Variants in LAMA5 observed in about 807,000 individuals in gnomAD.
The protein encoded by LAMA5 is laminin subunit alpha-5.
A neutral mutation model predicts 433.4 loss-of-function variants in LAMA5; 260 were observed. The ratio of observed to expected loss-of-function variants is 0.60; its 90% CI spans 0.54 to 0.66. The LOEUF (loss-of-function observed/expected upper bound fraction) is 0.66. Among genes scored for constraint, LAMA5 ranks in the 30% least tolerant of loss-of-function variants. The pLI, the probability that LAMA5 is intolerant of heterozygous loss-of-function variation, is 0.00. For synonymous variants in LAMA5, 2,620 were observed against 2,226.6 expected (o/e 1.18, Z -4.97); for missense variants, 5,378 against 5,258.5 (o/e 1.02, Z -0.70).
At chr20:62,330,394 C>G (rs756200310) in intron 31 of LAMA5, 94 bp downstream of exon 31, 5 of 1,411,606 alleles carry the variant, frequency 3.5e-6, no homozygotes, top group Non-Finnish European at 4.7e-6. Context: ...TGTTGCCTGT[C>G]GCTCATAGCA....
rs577904596 is a variant in LAMA5, at chr20:62,323,381, G to A, written c.6064+75C>T. The A allele has an allele frequency of 3.2e-5, 39 of 1,211,660 alleles. No homozygotes were observed. In the East Asian group the frequency reaches 7.0e-4, roughly 22 times the overall value. 75.1% of individuals were successfully genotyped at this position (1,211,660 alleles called of 1,614,324 possible). On this transcript the variant is annotated intron_variant, in intron 45 of 79. Coordinates refer to ENST00000252999, the MANE Select transcript of LAMA5 (RefSeq NM_005560.6). ...AGCATCAGGCACACAGCCTACTTAC[G>A]GGGTACGCCCAGCAGGCCTCCCTCC...
At position 62,338,619 on chromosome 20, in the gene LAMA5, G is replaced by A. The variant is rs201994554; in HGVS notation, c.1478-11C>T. The stretch of plus-strand genomic sequence containing the variant: ...CGCTGCAGTCACAATCTGGAGGGTG[G>A]GGACAGGCAGGGGAGTCTCAGATGC... On this transcript the variant is annotated splice_polypyrimidine_tract_variant and intron_variant, in intron 11 of 79. Coordinates refer to ENST00000252999, the MANE Select transcript of LAMA5 (RefSeq NM_005560.6). 2.5e-6 allele frequency: 4 copies of A among 1,603,152 alleles called. No individual in the cohort carries two copies. The highest frequency in any genetic ancestry group is 1.3e-5 in the African/African-American group (1 of 74,964).
chr20:62,328,123 C>T (rs1188707287), intron 35 of LAMA5, 113 bp from the exon 36 acceptor site: 18 of 1,515,438 alleles, frequency 1.2e-5, no homozygotes, highest in East Asian at 4.8e-5. Flanking sequence ...GAGGAGAGGG[C>T]GCTGCTGCAC....
chr20:62,309,383 C>G lies in LAMA5; in HGVS notation c.11041G>C (p.Val3681Leu), dbSNP rs1404405573. 1.3e-6 allele frequency: 2 copies of G among 1,590,466 alleles called. No individual in the cohort carries two copies. Among genetic ancestry groups the G allele is most frequent in the East Asian group, 2.2e-5 (1 of 44,616 alleles). ...GCCCCCACTGCCCCGTGGACCTCCA[C>G]AGAGCGAGTCATGGCGACGGGGGAC... Reference protein sequence around the residue: ...NRSPVAMTRSVEVHGAVGASG... With the variant: ...NRSPVAMTRSLEVHGAVGASG... Residue 3681 changes from valine to leucine, a missense_variant, in exon 80 of 80, where the codon GTG (valine) becomes CTG (leucine). Physicochemically the swap from Val to Leu is conservative, Grantham distance 32 (BLOSUM62 1). Transcript: ENST00000252999.
At chr20:62,346,483 C>T in intron 9 of LAMA5, 23 bp downstream of exon 9, 3 of 1,547,388 alleles carry the variant, frequency 1.9e-6, no homozygotes, top group Middle Eastern at 1.7e-4. Flanking sequence ...ACCCAGGACA[C>T]CCGCCCAGCT....
In LAMA5 at chr20:62,332,359, G is replaced by C. The variant is rs1980627109; in HGVS notation, c.3552+13C>G. On this transcript the variant is annotated intron_variant, in intron 28 of 79. Coordinates refer to ENST00000252999, the MANE Select transcript of LAMA5 (RefSeq NM_005560.6). Reference sequence around the variant, plus strand: ...AGCTGACCCCTTGGGGTGGGGACCTGAGGGGTCCTTACCAGGAAGAAGCGT... The same window carrying C: ...AGCTGACCCCTTGGGGTGGGGACCTCAGGGGTCCTTACCAGGAAGAAGCGT... 1 of 1,578,392 alleles carries C rather than the reference G, an allele frequency of 6.3e-7. No individual in the cohort carries two copies. Among genetic ancestry groups the C allele is most frequent in the African/African-American group, 1.3e-5 (1 of 74,520 alleles).
intron 6 of LAMA5, chr20:62,351,268 A>AC: frequency 4.4e-6 from 1 of 229,040 alleles, no homozygotes; most frequent in East Asian, 9.8e-5. Flanking sequence ...CTGGGCGGGC[A>AC]CCCCCAAAGT....
Position 62,338,118 on chromosome 20 carries a change from C to T in LAMA5, c.1789G>A (p.Glu597Lys), listed in dbSNP as rs140700430. The T allele has an allele frequency of 2.9e-4, 470 of 1,595,620 alleles. 2 individuals are homozygous for T. The African/African-American group carries it at 5.2e-3, about 18-fold the overall frequency. The change falls in exon 14 of 80, where the codon GAG (glutamate) becomes AAG (lysine). Residue 597 changes from glutamate to lysine, a missense_variant. Coordinates refer to ENST00000252999, the MANE Select transcript of LAMA5 (RefSeq NM_005560.6). The stretch of plus-strand genomic sequence containing the variant: ...CAGCGGCCGGCCTCATCGCAGCCCT[C>T]GGGCAAGGTTCCTGCAGGGCTGCAG... ...CGCSPAGTLP[E>K]GCDEAGRCLC...
Position 62,322,266 on chromosome 20 carries a change from C to A in LAMA5, c.6346+3G>T. 1 of 1,590,600 alleles carries A rather than the reference C, an allele frequency of 6.3e-7. No individual in the cohort carries two copies. Among genetic ancestry groups the A allele is most frequent in the East Asian group, 2.3e-5 (1 of 44,078 alleles). ...CGCCCTCCTGTGACCGGCCAGCACT[C>A]ACGCCTGCAGCCCTGCTCAGGGAGC... On this transcript the variant is annotated splice_donor_region_variant and intron_variant, in intron 47 of 79. Coordinates refer to ENST00000252999, the MANE Select transcript of LAMA5 (RefSeq NM_005560.6).
chr20:62,312,618 C>A lies in LAMA5; in HGVS notation c.9227+14G>T, dbSNP rs201927368. 2.5e-6 allele frequency: 4 copies of A among 1,603,058 alleles called. No homozygotes were observed. In the African/African-American group the frequency reaches 4.0e-5, roughly 16 times the overall value. ...CAGCCTGGCCTCGGAGCCCCAGCTG[C>A]GCACAGTGCTTACCTCGGGGGCAGC... On this transcript the variant is annotated intron_variant, in intron 67 of 79. Transcript: ENST00000252999.
Position 62,347,885 on chromosome 20 carries a change from C to T in LAMA5, c.957-857G>A, listed in dbSNP as rs181114122. On this transcript the variant is annotated intron_variant, in intron 6 of 79. Transcript: ENST00000252999. ...CCACGGGGCCCACCTCACAGGGCCT[C>T]GGGAATCAATACTGCTTTCCCTCAG... 3.7e-3 allele frequency among the ~76,000 whole-genome samples: 569 copies of T among 152,228 alleles called. 2 individuals carry two copies. In the Middle Eastern group the frequency reaches 0.037, roughly 10 times the overall value.
At position 62,362,505 on chromosome 20, in the gene LAMA5, G is replaced by T; in HGVS notation, c.345C>A (p.His115Gln). The T allele has an allele frequency of 1.2e-6, 2 of 1,604,414 alleles. No individual in the cohort carries two copies. Among genetic ancestry groups the T allele is most frequent in the Non-Finnish European group, 1.7e-6 (2 of 1,174,966 alleles). The change falls in exon 2 of 80, where the codon CAC becomes CAA. Residue 115 changes from histidine to glutamine, a missense_variant. Coordinates refer to ENST00000252999, the MANE Select transcript of LAMA5 (RefSeq NM_005560.6). ...TGCCATCGATGGCATTGCTCGCGGG[G>T]TGTGCCTTGTTGCTGTTGGCAGCCG... ...ICTAANSNKA[H>Q]PASNAIDGTE...
In LAMA5 at chr20:62,309,723, G is replaced by GC; in HGVS notation, c.10940dup (p.Leu3648ProfsTer3). ...GATCAAGGCCGCACTCACCAGGCAG[G>GC]CCCCCGAGGTACAGAGGGGCTGGGG... On this transcript the variant is annotated frameshift_variant, in exon 79 of 80. Coordinates refer to ENST00000252999, the MANE Select transcript of LAMA5 (RefSeq NM_005560.6). LOFTEE classifies it low-confidence loss of function (END_TRUNC). The GC allele has an allele frequency of 6.3e-7, 1 of 1,596,806 alleles. No homozygotes were observed. The highest frequency in any genetic ancestry group is 8.5e-7 in the Non-Finnish European group (1 of 1,174,744).
chr20:62,329,273 C>T lies in LAMA5; in HGVS notation c.4120-20G>A. 6.4e-7 allele frequency: 1 copy of T among 1,571,256 alleles called. No homozygotes were observed. The highest frequency in any genetic ancestry group is 8.7e-7 in the Non-Finnish European group (1 of 1,143,966). ...ATAATCCTAGGGGGTGAGGCCTGGT[C>T]ACTCTCCCGCGGGCCCAGAGCCTGC... On this transcript the variant is annotated intron_variant, in intron 32 of 79. Coordinates refer to ENST00000252999, the MANE Select transcript of LAMA5 (RefSeq NM_005560.6).
Position 62,346,747 on chromosome 20 carries a change from G to C in LAMA5, c.1126C>G (p.Arg376Gly). 1 of 1,612,962 alleles carries C rather than the reference G, an allele frequency of 6.2e-7. No homozygotes were observed. The change falls in exon 8 of 80, where the codon CGG becomes GGG. Residue 376 changes from arginine to glycine, a missense_variant. Coordinates refer to ENST00000252999, the MANE Select transcript of LAMA5 (RefSeq NM_005560.6). ...TDCYYDPEVD[R>G]RRASQSLDGT... The stretch of plus-strand genomic sequence containing the variant: ...TCCAGGCTCTGGCTGGCGCGGCGCC[G>C]GTCCACCTCAGGGTCGTAGTAACAG...
rs202210608 is a variant in LAMA5, at chr20:62,337,753, C to T, written c.2027-26G>A. Reference sequence around the variant, plus strand: ...CTGCAGACAAGGATAGCTGTGGGCACGCAGTGGAGACTGCACCTGCCTCCC... The same window carrying T: ...CTGCAGACAAGGATAGCTGTGGGCATGCAGTGGAGACTGCACCTGCCTCCC... On this transcript the variant is annotated intron_variant, in intron 15 of 79. Coordinates refer to ENST00000252999, the MANE Select transcript of LAMA5 (RefSeq NM_005560.6). 111 of 1,607,490 alleles carry T rather than the reference C, an allele frequency of 6.9e-5. No individual in the cohort carries two copies. The Admixed American group carries it at 1.0e-3, about 15-fold the overall frequency.
intron 51 of LAMA5, 67 bp downstream of exon 51, chr20:62,319,617 A>T: frequency 8.5e-7 from 1 of 1,179,004 alleles, no homozygotes; most frequent in Non-Finnish European, 1.2e-6. Flanking sequence ...TCGGCCAGGC[A>T]CCCCCACCCC....
At chr20:62,349,038 G>A (rs1325430714) in intron 6 of LAMA5, among the ~76,000 whole-genome samples, 1 of 152,074 alleles carries the variant, frequency 6.6e-6, no homozygotes, top group African/African-American at 2.4e-5. Context: ...GGGAGGCCGA[G>A]GCAGGTGGAT....
chr20:62,351,559 G>T, intron 6 of LAMA5, 145 bp downstream of exon 6: 1 of 729,168 alleles, frequency 1.4e-6, no homozygotes. Context: ...CACGGCGGTG[G>T]TCAGTGCAGG....
Sources: gnomAD v4.1 joint callset for allele counts (sites outside exome capture counted in the v4.1 genomes callset) on GRCh38, gnomAD v4.1.1 for gene constraint, MANE v1.5 for transcripts, NCBI Gene and HGNC (gene_info 2026-07-23, HGNC 2026-07-21) for gene names.